Variants in SUOX observed in about 807,000 individuals in gnomAD.
SUOX encodes sulfite oxidase, mitochondrial.
SUOX carries 39 observed loss-of-function variants against 41.9 expected under a neutral mutation model. That is an observed-to-expected ratio of 0.93 (90% CI 0.72 to 1.21). The LOEUF (loss-of-function observed/expected upper bound fraction) is 1.21. Ranked by LOEUF, SUOX falls within the 50% of genes most tolerant of loss-of-function variation. SUOX has a pLI of 0.00. For missense variants in SUOX, 633 were observed against 689.5 expected (o/e 0.92, Z 0.92); for synonymous variants, 220 against 268.4 (o/e 0.82, Z 1.76).
Position 56,005,028 on chromosome 12 carries a change from G to A in SUOX, c.*1G>A, listed in dbSNP as rs1195335165. The stretch of plus-strand genomic sequence containing the variant: ...TGTCCATGTCTATGTCTCCCCATGA[G>A]CATGGAAAGGAGCCACCTCCACCCC... On this transcript the variant is annotated 3_prime_UTR_variant, in exon 5 of 5. Coordinates refer to ENST00000266971, the MANE Select transcript of SUOX (RefSeq NM_001032386.2). The A allele has an allele frequency of 6.2e-7, 1 of 1,609,906 alleles. No homozygotes were observed. Among genetic ancestry groups the A allele is most frequent in the Admixed American group, 1.7e-5 (1 of 60,010 alleles).
chr12:56,001,875 C>T (rs147041123), intron 2 of SUOX: 18 of 1,175,432 alleles, frequency 1.5e-5, no homozygotes, highest in Middle Eastern at 3.7e-4. Context: ...CATTTGGTTT[C>T]GGTCCTTTAG....
Position 56,003,931 on chromosome 12 carries a change from T to C in SUOX, c.542T>C (p.Val181Ala), listed in dbSNP as rs767182191. ...ETSDPYADDP[V>A]RHPALKVNSQ... ...TCTGACCCTTATGCTGATGATCCTG[T>C]ACGTCACCCAGCCCTGAAGGTCAAC... Residue 181 changes from valine to alanine, a missense_variant, in exon 5 of 5, where the codon GTA becomes GCA. By Grantham distance (64) the Val-to-Ala change is moderately conservative. Transcript: ENST00000266971. 59 of 1,614,126 alleles carry C rather than the reference T, an allele frequency of 3.7e-5. 1 individual carries two copies. The South Asian group carries it at 6.5e-4, about 18-fold the overall frequency.
Position 56,005,186 on chromosome 12 carries a change from T to C in SUOX, c.*159T>C, listed in dbSNP as rs1890700349. 1 of 794,958 alleles carries C rather than the reference T, an allele frequency of 1.3e-6. No homozygotes were observed. The highest frequency in any genetic ancestry group is 1.7e-5 in the African/African-American group (1 of 59,008). The allele number at this position is 794,958 out of a possible 1,614,324, so 49.2% of individuals were successfully genotyped here. On this transcript the variant is annotated 3_prime_UTR_variant, in exon 5 of 5. Transcript: ENST00000266971. ...CATTTCACCCAAGGACCTTCCCTCTTTGGACACTATGTTACATACCCCTCT... is the reference window on the plus strand; with the variant it reads ...CATTTCACCCAAGGACCTTCCCTCTCTGGACACTATGTTACATACCCCTCT...
intron 3 of SUOX, 94 bp from the exon 4 acceptor site, chr12:56,002,449 C>A: frequency 6.4e-7 from 1 of 1,572,702 alleles, no homozygotes; most frequent in Non-Finnish European, 8.7e-7. Flanking sequence ...ACTTAAGGAA[C>A]CAATGGCCAA....
In SUOX at chr12:56,004,326, G is replaced by C; in HGVS notation, c.937G>C (p.Glu313Gln). The change falls in exon 5 of 5, where the codon GAG becomes CAG. Residue 313 changes from glutamate (E) to glutamine (Q), a missense_variant. Physicochemically the swap from Glu to Gln is conservative, Grantham distance 29. Transcript: ENST00000266971. This position sits in a 1 kb window ranked among gnomAD's most constrained non-coding sequence, Gnocchi z 4.5. ...GGCTGGCCACCAACTCTGTGAAACTGAGGCCCACGTCTGCTTTGAGGGACT... is the reference window on the plus strand; with the variant it reads ...GGCTGGCCACCAACTCTGTGAAACTCAGGCCCACGTCTGCTTTGAGGGACT... ...AQAGHQLCET[E>Q]AHVCFEGLDS... 3 of 1,614,150 alleles carry C rather than the reference G, an allele frequency of 1.9e-6. No individual in the cohort carries two copies. Among genetic ancestry groups the C allele is most frequent in the Non-Finnish European group, 2.5e-6 (3 of 1,180,022 alleles).
Position 56,004,780 on chromosome 12 carries a change from T to G in SUOX, c.1391T>G (p.Leu464Arg), listed in dbSNP as rs1334669988. 2 of 1,614,002 alleles carry G rather than the reference T, an allele frequency of 1.2e-6. No homozygotes were observed. Among genetic ancestry groups the G allele is most frequent in the Non-Finnish European group, 1.7e-6 (2 of 1,180,010 alleles). ...GCTGTGATCCGGGTGGATGTGTCTC[T>G]GGATGGGGGCCTAACCTGGCAGGTG... ...GRAVIRVDVS[L>R]DGGLTWQVAK... Residue 464 changes from leucine (L) to arginine (R), a missense_variant, in exon 5 of 5, where the codon CTG (leucine) becomes CGG (arginine). Physicochemically the swap from Leu to Arg is moderately radical, Grantham distance 102. Transcript: ENST00000266971. The surrounding 1 kb of genome is among the most constrained non-coding windows in gnomAD (Gnocchi z 4.5).
intron 2 of SUOX, chr12:56,001,413 T>G (rs991566795): frequency 1.3e-5 from 2 of 152,188 alleles, no homozygotes; most frequent in Admixed American, 1.3e-4. Flanking sequence ...CGTGAGCCAC[T>G]GCGCCGGGCA....
At chr12:56,000,744 T>A (rs551040849) in intron 2 of SUOX, among the ~76,000 whole-genome samples, 1 of 152,224 alleles carries the variant, frequency 6.6e-6, no homozygotes, top group Non-Finnish European at 1.5e-5. Context: ...CACCCAGCTC[T>A]TTTATTACAG....
Position 56,005,248 on chromosome 12 carries a change from A to C in SUOX, c.*221A>C. 1 of 615,642 alleles carries C rather than the reference A, an allele frequency of 1.6e-6. No individual in the cohort carries two copies. Among genetic ancestry groups the C allele is most frequent in the Non-Finnish European group, 2.9e-6 (1 of 347,022 alleles). The allele number at this position is 615,642 out of a possible 1,614,324, so 38.1% of individuals were successfully genotyped here. On this transcript the variant is annotated 3_prime_UTR_variant, in exon 5 of 5. Transcript: ENST00000266971. ...CCTGTGCCAGGAAGTGTGAGCTGTT[A>C]CAGCAAGGGGCTAGAAGTGAAAAAA...
chr12:56,004,408 T>C lies in SUOX; in HGVS notation c.1019T>C (p.Met340Thr), dbSNP rs1363606364. Residue 340 changes from methionine (M) to threonine (T), a missense_variant, in exon 5 of 5, where the codon ATG (methionine) becomes ACG (threonine). Coordinates refer to ENST00000266971, the MANE Select transcript of SUOX (RefSeq NM_001032386.2). The surrounding 1 kb of genome is among the most constrained non-coding windows in gnomAD (Gnocchi z 4.5). Reference sequence around the variant, plus strand: ...GCATCCATCCCTCTGGCTCGGGCCATGGACCCTGAAGCTGAGGTCCTGCTG... The same window carrying C: ...GCATCCATCCCTCTGGCTCGGGCCACGGACCCTGAAGCTGAGGTCCTGCTG... The part of the protein sequence containing the change: ...YGASIPLARA[M>T]DPEAEVLLAY... The C allele has an allele frequency of 1.2e-6, 2 of 1,614,036 alleles. No individual in the cohort carries two copies. The highest frequency in any genetic ancestry group is 1.7e-5 in the Admixed American group (1 of 60,024).
rs942408057 is a variant in SUOX, at chr12:55,997,714, T to C, written c.-20T>C. The C allele has an allele frequency of 2.0e-5, 3 of 152,392 alleles. No individual in the cohort carries two copies. Among genetic ancestry groups the C allele is most frequent in the African/African-American group, 7.2e-5 (3 of 41,416 alleles). 9.4% of individuals were successfully genotyped at this position (152,392 alleles called of 1,614,324 possible). On this transcript the variant is annotated 5_prime_UTR_variant, in exon 2 of 5. Coordinates refer to ENST00000266971, the MANE Select transcript of SUOX (RefSeq NM_001032386.2). ...CTCTGGTCTAGTACAAACAGGCTGC[T>C]GGCATTGAGGTAGGTGGCAGAGAGA... is the stretch of plus-strand genomic sequence containing the variant.
Position 56,002,220 on chromosome 12 carries a change from C to T in SUOX, c.-2C>T. 6.2e-7 allele frequency: 1 copy of T among 1,613,226 alleles called. No individual in the cohort carries two copies. The highest frequency in any genetic ancestry group is 8.5e-7 in the Non-Finnish European group (1 of 1,180,030). ...GAATCTTCCTTCTACAGGTCTGCTA[C>T]AATGCTGCTGCTGCACAGAGCTGTG... is the stretch of plus-strand genomic sequence containing the variant. On this transcript the variant is annotated 5_prime_UTR_variant, in exon 3 of 5. Transcript: ENST00000266971.
chr12:56,003,917 T>A lies in SUOX; in HGVS notation c.528T>A (p.Tyr176Ter), dbSNP rs1890630965. Reference protein sequence around the residue: ...VAPTVETSDPYADDPVRHPAL... With the variant: ...VAPTVETSDP The stretch of plus-strand genomic sequence containing the variant: ...CCACCGTGGAGACCTCTGACCCTTA[T>A]GCTGATGATCCTGTACGTCACCCAG... Residue 176 changes from tyrosine to a stop codon, truncating the protein, a stop_gained, in exon 5 of 5, where the codon TAT becomes TAA. Coordinates refer to ENST00000266971, the MANE Select transcript of SUOX (RefSeq NM_001032386.2). LOFTEE classifies it high-confidence loss of function. 1 of 1,614,130 alleles carries A rather than the reference T, an allele frequency of 6.2e-7. No homozygotes were observed.
chr12:56,001,981 T>G, intron 2 of SUOX: 1 of 1,413,356 alleles, frequency 7.1e-7, no homozygotes, highest in Non-Finnish European at 9.2e-7. Context: ...CCATCCCTCC[T>G]ACCCCATTCC....
intron 4 of SUOX, 74 bp from the exon 5 acceptor site, chr12:56,003,544 A>C (rs1890609182): frequency 1.4e-6 from 2 of 1,454,538 alleles, no homozygotes; most frequent in African/African-American, 2.8e-5. Context: ...TACAGTTGTG[A>C]GTCACCACGC....
chr12:56,004,051 C>T lies in SUOX; in HGVS notation c.662C>T (p.Pro221Leu). ...NPIFFTRNHL[P>L]VPNLDPDTYR... The stretch of plus-strand genomic sequence containing the variant: ...ATCTTCTTCACCCGGAACCATCTGC[C>T]TGTACCTAACCTGGATCCAGACACC... Residue 221 changes from proline to leucine, a missense_variant, in exon 5 of 5, where the codon CCT becomes CTT. Physicochemically the swap from Pro to Leu is moderately conservative, Grantham distance 98. Transcript: ENST00000266971. This position sits in a 1 kb window ranked among gnomAD's most constrained non-coding sequence, Gnocchi z 4.5. The T allele has an allele frequency of 6.2e-7, 1 of 1,614,206 alleles. No homozygotes were observed. Among genetic ancestry groups the T allele is most frequent in the Non-Finnish European group, 8.5e-7 (1 of 1,180,030 alleles).
chr12:56,005,029 C>A lies in SUOX; in HGVS notation c.*2C>A. On this transcript the variant is annotated 3_prime_UTR_variant, in exon 5 of 5. Coordinates refer to ENST00000266971, the MANE Select transcript of SUOX (RefSeq NM_001032386.2). ...GTCCATGTCTATGTCTCCCCATGAG[C>A]ATGGAAAGGAGCCACCTCCACCCCT... The A allele has an allele frequency of 1.2e-6, 2 of 1,609,954 alleles. No individual in the cohort carries two copies. The highest frequency in any genetic ancestry group is 2.2e-5 in the South Asian group (2 of 91,064).
rs768861479 is a variant in SUOX, at chr12:56,004,709, A to G, written c.1320A>G (p.Ser440=). The change falls in exon 5 of 5, where the codon TCA becomes TCG. Residue 440 remains serine, a synonymous_variant. Transcript: ENST00000266971. This position sits in a 1 kb window ranked among gnomAD's most constrained non-coding sequence, Gnocchi z 4.5. ...CCCGGGATGGAGAGACTGTAGAATC[A>G]GGGGAGGTGACCATCAAGGGCTATG... ...TEPRDGETVE[S]GEVTIKGYAW... is the part of the protein sequence containing the mutation. The G allele has an allele frequency of 6.2e-7, 1 of 1,614,142 alleles. No individual in the cohort carries two copies. Among genetic ancestry groups the G allele is most frequent in the Non-Finnish European group, 8.5e-7 (1 of 1,180,016 alleles).
intron 3 of SUOX, 116 bp downstream of exon 3, chr12:56,002,387 G>A: frequency 6.7e-7 from 1 of 1,500,142 alleles, no homozygotes; most frequent in African/African-American, 1.4e-5. Flanking sequence ...AGGGAGGACA[G>A]AGAAAGCCAG....
Sources: allele counts gnomAD v4.1 joint callset (sites outside exome capture counted in the v4.1 genomes callset), GRCh38; gene constraint gnomAD v4.1.1; non-coding constraint Gnocchi (gnomAD v3.1); transcripts MANE v1.5; gene names NCBI Gene and HGNC (gene_info 2026-07-23, HGNC 2026-07-21).